The following SNX25 variants were observed in gnomAD, a reference collection of about 807,000 sequenced individuals.
SNX25 encodes the protein sorting nexin 25.
In SNX25, 62 loss-of-function variants were observed where a neutral mutation model predicts 113.7. The ratio of observed to expected loss-of-function variants is 0.55; its 90% confidence interval spans 0.44 to 0.67. The LOEUF (loss-of-function observed/expected upper bound fraction) is 0.67, where lower values mean the gene tolerates loss of function less well. Among genes scored for constraint, SNX25 ranks in the 30% least tolerant of loss-of-function variants. SNX25 has a pLI of 0.00. For synonymous variants in SNX25, 421 were observed against 436.2 expected (o/e 0.97, Z 0.43); for missense variants, 1,014 against 1,161.0 (o/e 0.87, Z 1.84).
At chr4:185,226,563 AC>A (rs1291827196) in intron 1 of SNX25, among the ~76,000 whole-genome samples, 2 of 152,148 alleles carry the variant, frequency 1.3e-5, no homozygotes, top group East Asian at 3.8e-4. Context: ...CAGTCCTCCC[AC>A]CTCAACCTCC....
intron 6 of SNX25, among the ~76,000 whole-genome samples, chr4:185,299,331 G>A (rs1466847035): frequency 6.6e-6 from 1 of 152,154 alleles, no homozygotes; most frequent in Non-Finnish European, 1.5e-5. Flanking sequence ...AATAGACAAG[G>A]CCTAAAGGGC....
the SNX25 span, chr4:185,377,024 T>C: frequency 6.3e-7 from 1 of 1,583,648 alleles, no homozygotes; most frequent in Non-Finnish European, 8.7e-7. Context: ...GTAATCTGAT[T>C]TTAAAAAGGT....
chr4:185,299,491 G>A (rs1435436208), intron 6 of SNX25, among the ~76,000 whole-genome samples: 1 of 150,116 alleles, frequency 6.7e-6, no homozygotes, highest in Non-Finnish European at 1.5e-5. Flanking sequence ...TAGATCTCGA[G>A]TGCGCCCCAG....
At chr4:185,241,842 G>T (rs1465081870) in intron 1 of SNX25, among the ~76,000 whole-genome samples, 3 of 152,140 alleles carry the variant, frequency 2.0e-5, no homozygotes, top group Non-Finnish European at 4.4e-5. Context: ...TTTACCTGAA[G>T]CCTATGCTAG....
At chr4:185,292,345 C>T (rs1160137197) in intron 6 of SNX25, among the ~76,000 whole-genome samples, 1 of 152,114 alleles carries the variant, frequency 6.6e-6, no homozygotes, top group African/African-American at 2.4e-5. Context: ...ATAATCCCAG[C>T]ACTTTGCGGG....
intron 8 of SNX25, 58 bp downstream of exon 8, chr4:185,320,922 G>A: frequency 4.9e-6 from 7 of 1,429,454 alleles, no homozygotes; most frequent in Non-Finnish European, 6.5e-6. Flanking sequence ...CTTGGCATGT[G>A]AGGCAGCATG....
chr4:185,246,009 G>A (rs541103538), intron 1 of SNX25, among the ~76,000 whole-genome samples: 16 of 152,236 alleles, frequency 1.1e-4, no homozygotes, highest in Middle Eastern at 3.4e-3. Context: ...CCTTTAGGCC[G>A]GGTGCGGTGG....
chr4:185,367,906 G>A (rs376225849), downstream of SNX25, among the ~76,000 whole-genome samples: 5 of 152,118 alleles, frequency 3.3e-5, no homozygotes, highest in South Asian at 4.1e-4. Flanking sequence ...ATGGCCGGGC[G>A]CGGTAGCTCA....
At chr4:185,360,930 A>ATATATATATAT (rs1491260048) in intron 16 of SNX25, among the ~76,000 whole-genome samples, 211 of 139,614 alleles carry the variant, frequency 1.5e-3, no homozygotes, top group African/African-American at 5.5e-3. Flanking sequence ...AAAAAAAAAT[A>ATATATATATAT]ATATATATAT....
chr4:185,216,620 A>C (rs1325521417), intron 1 of SNX25, among the ~76,000 whole-genome samples: 1 of 148,898 alleles, frequency 6.7e-6, no homozygotes, highest in Non-Finnish European at 1.5e-5. Context: ...CCTGGGTTCA[A>C]GCGATTCTCC....
intron 10 of SNX25, among the ~76,000 whole-genome samples, chr4:185,335,486 T>A (rs527297094): frequency 6.6e-6 from 1 of 152,334 alleles, no homozygotes; most frequent in African/African-American, 2.4e-5. Flanking sequence ...ATTAATCAGA[T>A]CATTTTCCTG....
intron 1 of SNX25, among the ~76,000 whole-genome samples, chr4:185,220,564 C>T (rs907081898): frequency 2.7e-5 from 4 of 148,088 alleles, no homozygotes; most frequent in East Asian, 2.2e-4. Context: ...TTACTACAAC[C>T]TCTGCCTGCC....
intron 1 of SNX25, among the ~76,000 whole-genome samples, chr4:185,240,723 G>T (rs1280691247): frequency 2.1e-4 from 32 of 152,070 alleles, no homozygotes; most frequent in African/African-American, 7.5e-4. Context: ...CTCCCAGACG[G>T]GGTGGCTGCC....
At chr4:185,339,771 T>C (rs997996591) in intron 11 of SNX25, among the ~76,000 whole-genome samples, 2 of 152,226 alleles carry the variant, frequency 1.3e-5, no homozygotes, top group African/African-American at 4.8e-5. Context: ...AAAGCAGCTT[T>C]AATGTCCTTG....
At chr4:185,240,569 G>A (rs1020998789) in intron 1 of SNX25, among the ~76,000 whole-genome samples, 1 of 149,966 alleles carries the variant, frequency 6.7e-6, no homozygotes, top group African/African-American at 2.4e-5. Flanking sequence ...GCCGGGCAGA[G>A]GGGCTCCTCA....
intron 2 of SNX25, among the ~76,000 whole-genome samples, chr4:185,258,170 G>C (rs1307366419): frequency 6.6e-6 from 1 of 152,184 alleles, no homozygotes; most frequent in Admixed American, 6.5e-5. Flanking sequence ...CCTTGGCCCA[G>C]TTGATGGTGA....
intron 1 of SNX25, among the ~76,000 whole-genome samples, chr4:185,239,639 A>G (rs76860553): frequency 0.027 from 4,054 of 152,144 alleles, 87 homozygotes; most frequent in Non-Finnish European, 0.037. Flanking sequence ...CTTAAAATGA[A>G]GACAAAACTT....
chr4:185,348,200 A>G (rs985620944), intron 13 of SNX25, among the ~76,000 whole-genome samples: 1 of 152,192 alleles, frequency 6.6e-6, no homozygotes, highest in Admixed American at 6.5e-5. Flanking sequence ...TTGGATCTTA[A>G]AGCCCTGAAG....
chr4:185,206,480 T>G (rs901071406), upstream of SNX25, among the ~76,000 whole-genome samples: 7 of 76,620 alleles, frequency 9.1e-5, no homozygotes, highest in Non-Finnish European at 1.5e-4. Context: ...ACCAGCCCGA[T>G]GAACCCCATC....
Sources: allele counts gnomAD v4.1 joint callset (sites outside exome capture counted in the v4.1 genomes callset), GRCh38; gene constraint gnomAD v4.1.1; transcripts MANE v1.5; gene names NCBI Gene and HGNC (gene_info 2026-07-23, HGNC 2026-07-21).